The following NUBPL variants were observed in gnomAD, a reference collection of about 807,000 sequenced individuals.
NUBPL encodes NUBP iron-sulfur cluster assembly factor, mitochondrial.
Under a neutral mutation model 45.7 loss-of-function variants are expected in NUBPL, and 31 were observed. The observed-to-expected ratio is 0.68, with a 90% CI of 0.51 to 0.92. The LOEUF (loss-of-function observed/expected upper bound fraction) is 0.92. Ranked by LOEUF, NUBPL falls within the 40% of genes least tolerant of loss-of-function variation. The pLI is 0.00. For synonymous variants in NUBPL, 144 were observed against 140.9 expected (o/e 1.02, Z -0.15); for missense variants, 401 against 398.7 (o/e 1.01, Z -0.05).
At chr14:31,760,530 T>A (rs1195493593) in intron 6 of NUBPL, among the ~76,000 whole-genome samples, 1 of 152,144 alleles carries the variant, frequency 6.6e-6, no homozygotes, top group African/African-American at 2.4e-5. Flanking sequence ...TTCTATGAGT[T>A]CTACTTTTTA....
rs142982982 is a variant in NUBPL, at chr14:31,732,988, T to G, written c.514-54792T>G. On this transcript the variant is annotated intron_variant, in intron 6 of 10. Transcript: ENST00000281081. ...CCCAAGCGTGAGGAAATTCTATGTT[T>G]TCATCTAGAAGGTTTTTGATTCTGG... Among the ~76,000 whole-genome samples, 6 of 152,276 alleles carry G rather than the reference T, an allele frequency of 3.9e-5. No homozygotes were observed. The East Asian group carries it at 1.2e-3, about 29-fold the overall frequency.
chr14:31,748,876 T>A (rs1363730999), intron 6 of NUBPL, among the ~76,000 whole-genome samples: 1 of 152,110 alleles, frequency 6.6e-6, no homozygotes, highest in East Asian at 1.9e-4. Context: ...GCTCCTAAAG[T>A]GCTAGGATTA....
intron 6 of NUBPL, among the ~76,000 whole-genome samples, chr14:31,675,772 TTTG>T (rs2036679714): frequency 6.6e-6 from 1 of 152,164 alleles, no homozygotes; most frequent in Non-Finnish European, 1.5e-5. Context: ...CTGACAATAC[TTTG>T]TTGAGCTAAA....
At chr14:31,613,084 C>G (rs1194842068) in intron 4 of NUBPL, among the ~76,000 whole-genome samples, 2 of 152,202 alleles carry the variant, frequency 1.3e-5, no homozygotes, top group South Asian at 4.2e-4. Context: ...AAATGTGGTA[C>G]GTATACACAA....
intron 7 of NUBPL, among the ~76,000 whole-genome samples, chr14:31,813,310 G>A (rs1338831714): frequency 2.0e-5 from 3 of 151,792 alleles, no homozygotes; most frequent in Non-Finnish European, 2.9e-5. Context: ...TCTTTATAGC[G>A]TCATTAAGAT....
chr14:31,815,008 T>C (rs1045201738), intron 7 of NUBPL, among the ~76,000 whole-genome samples: 3 of 152,244 alleles, frequency 2.0e-5, no homozygotes, highest in Admixed American at 2.0e-4. Flanking sequence ...TAGGATTGTC[T>C]TGGCTATATG....
At chr14:31,811,740 C>T (rs1417724225) in intron 7 of NUBPL, among the ~76,000 whole-genome samples, 5 of 152,150 alleles carry the variant, frequency 3.3e-5, no homozygotes, top group Non-Finnish European at 7.4e-5. Flanking sequence ...TCTGGTTTCT[C>T]TCCATCTTTG....
intron 7 of NUBPL, among the ~76,000 whole-genome samples, chr14:31,791,128 G>GT (rs2039374427): frequency 1.3e-5 from 2 of 150,516 alleles, no homozygotes; most frequent in Admixed American, 1.3e-4. Context: ...AACAAAAAAA[G>GT]TTAGCTGGGA....
At chr14:31,752,776 C>A (rs1388211201) in intron 6 of NUBPL, among the ~76,000 whole-genome samples, 2 of 152,162 alleles carry the variant, frequency 1.3e-5, no homozygotes, top group Admixed American at 1.3e-4. Flanking sequence ...TGTTTTCATA[C>A]TGCTAAAAAG....
intron 3 of NUBPL, among the ~76,000 whole-genome samples, chr14:31,583,835 T>A (rs1053404700): frequency 2.6e-5 from 4 of 152,108 alleles, no homozygotes; most frequent in African/African-American, 9.7e-5. Context: ...GTCTCGGTTA[T>A]AGATTGGATA....
intron 4 of NUBPL, among the ~76,000 whole-genome samples, chr14:31,665,927 A>G (rs1236512645): frequency 6.6e-6 from 1 of 152,028 alleles, no homozygotes; most frequent in African/African-American, 2.4e-5. Flanking sequence ...TATTGGGTGC[A>G]TATATATTTA....
chr14:31,602,384 T>TACA (rs1566440365), intron 4 of NUBPL, among the ~76,000 whole-genome samples: 1 of 1,388 alleles, frequency 7.2e-4, no homozygotes, highest in East Asian at 0.031. Context: ...AAACTTAAAG[T>TACA]ATAATAATAG....
intron 7 of NUBPL, among the ~76,000 whole-genome samples, chr14:31,815,156 T>C (rs532131658): frequency 6.6e-6 from 1 of 152,332 alleles, no homozygotes; most frequent in South Asian, 2.1e-4. Flanking sequence ...ACATTGATTC[T>C]TCCTATTCAT....
intron 7 of NUBPL, among the ~76,000 whole-genome samples, chr14:31,820,771 A>T (rs1022099007): frequency 8.4e-6 from 1 of 118,692 alleles, no homozygotes; most frequent in Non-Finnish European, 1.7e-5. Context: ...TTGCAGTGAG[A>T]CGAGATCGTG....
intron 4 of NUBPL, among the ~76,000 whole-genome samples, chr14:31,647,964 A>G (rs1248452277): frequency 6.6e-6 from 1 of 152,272 alleles, no homozygotes; most frequent in East Asian, 1.9e-4. Flanking sequence ...GCCATCCATT[A>G]AAGCCAAGTA....
At chr14:31,823,607 C>A (rs910431492) in intron 7 of NUBPL, among the ~76,000 whole-genome samples, 15 of 152,064 alleles carry the variant, frequency 9.9e-5, no homozygotes, top group African/African-American at 3.4e-4. Flanking sequence ...GTTCTAAAAG[C>A]TATTTATAGT....
chr14:31,676,622 T>C (rs1370839148), intron 6 of NUBPL, among the ~76,000 whole-genome samples: 1 of 152,076 alleles, frequency 6.6e-6, no homozygotes, highest in Non-Finnish European at 1.5e-5. Flanking sequence ...CTAATAGATA[T>C]AAAATGTATC....
In NUBPL at chr14:31,792,116, A is replaced by G. The variant is rs116147154; in HGVS notation, c.607+4243A>G. Among the ~76,000 whole-genome samples, 1,483 of 152,310 alleles carry G rather than the reference A, an allele frequency of 9.7e-3. 10 individuals carry two copies. Among genetic ancestry groups the G allele is most frequent in the Non-Finnish European group, 0.013 (909 of 68,022 alleles). On this transcript the variant is annotated intron_variant, in intron 7 of 10. Transcript: ENST00000281081. ...TTTAAAGCTTATGCTGTTGACCTCTATATCAAACTGGCCTAATGTAAAACC... is the reference window on the plus strand; with the variant it reads ...TTTAAAGCTTATGCTGTTGACCTCTGTATCAAACTGGCCTAATGTAAAACC...
At chr14:31,825,902 G>A (rs2040094899) in intron 7 of NUBPL, among the ~76,000 whole-genome samples, 1 of 149,812 alleles carries the variant, frequency 6.7e-6, no homozygotes, top group Non-Finnish European at 1.5e-5. Flanking sequence ...TGCCCAGGCT[G>A]GTCTTGGACT....
Sources: gnomAD v4.1 joint callset for allele counts (sites outside exome capture counted in the v4.1 genomes callset) on GRCh38, gnomAD v4.1.1 for gene constraint, MANE v1.5 for transcripts, NCBI Gene and HGNC (gene_info 2026-07-23, HGNC 2026-07-21) for gene names.